DKK2: variants seen among roughly 807,000 people sequenced by gnomAD.
DKK2 encodes dickkopf-related protein 2.
Under a neutral mutation model 28.1 loss-of-function variants are expected in DKK2, and 11 were observed. That is an observed-to-expected ratio of 0.39 (90% confidence interval 0.25 to 0.65). The LOEUF (loss-of-function observed/expected upper bound fraction) is 0.65, where lower values mean the gene tolerates loss of function less well. DKK2 is among the 30% of genes least tolerant of loss of function. The pLI, the probability that DKK2 is intolerant of heterozygous loss-of-function variation, is 0.47. For missense variants in DKK2, 326 were observed against 335.5 expected, an observed-to-expected ratio of 0.97 and a Z score of 0.22; for synonymous variants, 135 against 126.5, an observed-to-expected ratio of 1.07 and a Z score of -0.45.
chr4:106,951,588 T>C (rs2042045504), intron 1 of DKK2, among the ~76,000 whole-genome samples: 1 of 152,006 alleles, frequency 6.6e-6, no homozygotes, highest in Non-Finnish European at 1.5e-5. Flanking sequence ...AAAGACAAAA[T>C]TTGCATATTC....
chr4:107,003,113 A>T (rs1049928566), intron 1 of DKK2, among the ~76,000 whole-genome samples: 3 of 152,178 alleles, frequency 2.0e-5, no homozygotes, highest in African/African-American at 7.2e-5. Flanking sequence ...GAATGAGCTC[A>T]GGGAGAATGT....
chr4:106,967,427 G>A (rs992820481), intron 1 of DKK2, among the ~76,000 whole-genome samples: 3 of 152,098 alleles, frequency 2.0e-5, no homozygotes, highest in African/African-American at 7.2e-5. Flanking sequence ...ACCAGAAAGT[G>A]AAAAGGCCTA....
chr4:106,983,282 G>A (rs1360679977), intron 1 of DKK2, among the ~76,000 whole-genome samples: 1 of 140,072 alleles, frequency 7.1e-6, no homozygotes, highest in African/African-American at 2.7e-5. Context: ...CAGAGAGAAA[G>A]AGAGAAGAAA....
At chr4:106,997,352 C>G (rs1288003537) in intron 1 of DKK2, among the ~76,000 whole-genome samples, 1 of 152,108 alleles carries the variant, frequency 6.6e-6, no homozygotes, top group Non-Finnish European at 1.5e-5. Context: ...TACTAGACAT[C>G]CTTTCCTGGT....
chr4:106,983,998 C>CTAAT (rs1312687315), intron 1 of DKK2, among the ~76,000 whole-genome samples: 1 of 152,132 alleles, frequency 6.6e-6, no homozygotes, highest in Non-Finnish European at 1.5e-5. Flanking sequence ...GGATCCCTCA[C>CTAAT]ACACCGCTGA....
intron 1 of DKK2, among the ~76,000 whole-genome samples, chr4:106,937,602 C>T (rs561801256): frequency 2.0e-5 from 3 of 151,994 alleles, no homozygotes; most frequent in African/African-American, 7.3e-5. Context: ...GAACTCAGCT[C>T]TTCACCAAGC....
chr4:106,945,895 T>A (rs1025916514), intron 1 of DKK2, among the ~76,000 whole-genome samples: 4 of 152,100 alleles, frequency 2.6e-5, no homozygotes, highest in African/African-American at 2.4e-5. Flanking sequence ...ACTCTACACA[T>A]AACCACAGCC....
chr4:106,939,081 T>C (rs1336791101), intron 1 of DKK2, among the ~76,000 whole-genome samples: 1 of 152,162 alleles, frequency 6.6e-6, no homozygotes, highest in Non-Finnish European at 1.5e-5. Context: ...TCACCACTCC[T>C]ATTCAACATA....
At chr4:107,018,155 G>A (rs1053039193) in intron 1 of DKK2, among the ~76,000 whole-genome samples, 2 of 152,074 alleles carry the variant, frequency 1.3e-5, no homozygotes, top group African/African-American at 4.8e-5. Flanking sequence ...TATCACCTTA[G>A]CTGGAGCTGT....
At chr4:107,025,369 C>T (rs1723759310) in intron 1 of DKK2, among the ~76,000 whole-genome samples, 1 of 152,132 alleles carries the variant, frequency 6.6e-6, no homozygotes, top group African/African-American at 2.4e-5. Flanking sequence ...GATAGAATAG[C>T]ACACAGCAGA....
chr4:106,995,135 A>T (rs911837675), intron 1 of DKK2, among the ~76,000 whole-genome samples: 7 of 152,144 alleles, frequency 4.6e-5, no homozygotes, highest in African/African-American at 1.7e-4. Flanking sequence ...TAAATATTAC[A>T]TTAAGATTAG....
chr4:106,978,799 A>C (rs1157620988), intron 1 of DKK2, among the ~76,000 whole-genome samples: 3 of 151,830 alleles, frequency 2.0e-5, no homozygotes. Context: ...ATAAAAAAGA[A>C]AAAGAAAACA....
At chr4:106,997,093 T>C (rs1012389728) in intron 1 of DKK2, among the ~76,000 whole-genome samples, 2 of 152,166 alleles carry the variant, frequency 1.3e-5, no homozygotes, top group African/African-American at 4.8e-5. Flanking sequence ...AAATCTATGA[T>C]GTTTAGAAAT....
chr4:107,011,936 A>G (rs946870580), intron 1 of DKK2, among the ~76,000 whole-genome samples: 15 of 151,400 alleles, frequency 9.9e-5, no homozygotes, highest in Non-Finnish European at 3.0e-5. Flanking sequence ...CCAAACTTGA[A>G]GAATCACTGG....
chr4:106,934,706 C>A (rs1578347289), intron 1 of DKK2, among the ~76,000 whole-genome samples: 1 of 152,148 alleles, frequency 6.6e-6, no homozygotes, highest in Non-Finnish European at 1.5e-5. Context: ...TAGTCAAATT[C>A]TACTCTGCTT....
intron 1 of DKK2, among the ~76,000 whole-genome samples, chr4:106,989,090 G>A (rs1723167536): frequency 6.6e-6 from 1 of 152,082 alleles, no homozygotes; most frequent in Admixed American, 6.6e-5. Context: ...ATAGGAGTAT[G>A]GTGATTTCTA....
intron 1 of DKK2, among the ~76,000 whole-genome samples, chr4:106,951,610 T>C (rs183385736): frequency 6.6e-6 from 1 of 152,240 alleles, no homozygotes; most frequent in East Asian, 1.9e-4. Flanking sequence ...CACTCATACA[T>C]GAGAGCTAAA....
At chr4:107,031,139 A>T (rs1318370940) in intron 1 of DKK2, among the ~76,000 whole-genome samples, 1 of 151,950 alleles carries the variant, frequency 6.6e-6, no homozygotes, top group Non-Finnish European at 1.5e-5. Context: ...TGGTGAGAGG[A>T]AAGGAACGTT....
intron 1 of DKK2, among the ~76,000 whole-genome samples, chr4:106,976,236 T>C (rs1029704847): frequency 2.0e-5 from 3 of 152,182 alleles, no homozygotes; most frequent in Non-Finnish European, 4.4e-5. Context: ...GGTGGAGAGT[T>C]CTGTAGATGT....
Sources: allele counts gnomAD v4.1 joint callset (sites outside exome capture counted in the v4.1 genomes callset), GRCh38; gene constraint gnomAD v4.1.1; transcripts MANE v1.5; gene names NCBI Gene and HGNC (gene_info 2026-07-23, HGNC 2026-07-21).